The following FBXL2 variants were observed in gnomAD, a reference collection of about 807,000 sequenced individuals.
FBXL2 encodes F-box/LRR-repeat protein 2.
In FBXL2, 38 loss-of-function variants were observed where a neutral mutation model predicts 69.2. That is an observed-to-expected ratio of 0.55 (90% CI 0.42 to 0.72). FBXL2 has a LOEUF of 0.72. Ranked by LOEUF, FBXL2 falls within the 30% of genes least tolerant of loss-of-function variation. The pLI is 0.00. For missense variants in FBXL2, 354 were observed against 520.3 expected (o/e 0.68, Z 3.11); for synonymous variants, 192 against 201.3 (o/e 0.95, Z 0.39).
chr3:33,400,954 ATACT>A (rs2044204415), intron 12 of FBXL2: 1 of 1,593,670 alleles, frequency 6.3e-7, no homozygotes, highest in South Asian at 1.2e-5. Flanking sequence ...TAGGAGAAAG[ATACT>A]TACTTCACCA....
chr3:33,330,953 G>A (rs2039111045), intron 2 of FBXL2, among the ~76,000 whole-genome samples: 2 of 150,316 alleles, frequency 1.3e-5, no homozygotes, highest in South Asian at 4.2e-4. Context: ...ATCATATAAA[G>A]TATATATTAT....
chr3:33,381,156 A>G (rs1005461101), intron 13 of FBXL2, among the ~76,000 whole-genome samples: 4 of 152,212 alleles, frequency 2.6e-5, no homozygotes, highest in African/African-American at 9.7e-5. Context: ...GAATACTTGA[A>G]TATGCCAGTA....
At position 33,375,410 on chromosome 3, in the gene FBXL2, G is replaced by A. The variant is rs568154207; in HGVS notation, c.780G>A (p.Pro260=). Residue 260 remains proline (P), a synonymous_variant, in exon 10 of 15, where the codon CCG becomes CCA. Coordinates refer to ENST00000484457, the MANE Select transcript of FBXL2 (RefSeq NM_012157.5). ...ASLTALGLNC[P]RLQILEAARC... Reference sequence around the variant, plus strand: ...TTACAGCCCTGGGTTTGAACTGTCCGCGACTGCAGTGAGTACACTGCACTT... The same window carrying A: ...TTACAGCCCTGGGTTTGAACTGTCCACGACTGCAGTGAGTACACTGCACTT... The A allele has an allele frequency of 1.2e-5, 19 of 1,613,892 alleles. No individual in the cohort carries two copies. The highest frequency in any genetic ancestry group is 6.7e-5 in the Admixed American group (4 of 60,006).
In FBXL2 at chr3:33,283,438, G is replaced by T. The variant is rs183551583; in HGVS notation, c.3+5923G>T. 5.3e-3 allele frequency among the ~76,000 whole-genome samples: 813 copies of T among 152,302 alleles called. 6 individuals carry two copies. The highest frequency in any genetic ancestry group is 0.018 in the African/African-American group (760 of 41,570). ...GGATAAGCTTTTTGATGTGCTGCTG[G>T]ATTCAGTTTGCCAGTATTTTATTGA... On this transcript the variant is annotated intron_variant, in intron 1 of 14. Coordinates refer to ENST00000484457, the MANE Select transcript of FBXL2 (RefSeq NM_012157.5).
chr3:33,372,741 G>A (rs1031242379), intron 5 of FBXL2: 3 of 363,156 alleles, frequency 8.3e-6, no homozygotes, highest in African/African-American at 6.2e-5. Context: ...TGATTTTTTT[G>A]TAGAGCGGAG....
chr3:33,396,209 T>C (rs1206654686), intron 12 of FBXL2: 3 of 1,596,028 alleles, frequency 1.9e-6, no homozygotes, highest in African/African-American at 2.7e-5. Flanking sequence ...TGCAGCTTGC[T>C]GCTGCCCTTG....
chr3:33,298,375 G>T (rs1485792788), intron 2 of FBXL2, among the ~76,000 whole-genome samples: 1 of 152,136 alleles, frequency 6.6e-6, no homozygotes, highest in African/African-American at 2.4e-5. Flanking sequence ...ATCATCAAAA[G>T]AAATCTTATT....
intron 12 of FBXL2, chr3:33,402,684 C>T: frequency 1.5e-6 from 1 of 677,230 alleles, no homozygotes; most frequent in Non-Finnish European, 2.3e-6. Flanking sequence ...GATACTTCCC[C>T]TTACTGTTTC....
chr3:33,385,469 TA>T (rs1244379289), intron 14 of FBXL2, 31 bp from the exon 15 acceptor site: 1 of 1,557,632 alleles, frequency 6.4e-7, no homozygotes, highest in Admixed American at 1.7e-5. Flanking sequence ...TAGTAATGTG[TA>T]AAGACTCCAC....
the FBXL2 span, chr3:33,412,596 A>G: frequency 1.5e-6 from 1 of 659,458 alleles, no homozygotes; most frequent in Non-Finnish European, 2.6e-6. Flanking sequence ...AAAAAAAAAA[A>G]AGACACAAAA....
intron 1 of FBXL2, among the ~76,000 whole-genome samples, chr3:33,288,516 T>C (rs2125691379): frequency 6.6e-6 from 1 of 152,200 alleles, no homozygotes; most frequent in East Asian, 1.9e-4. Context: ...TTGCTTTTAA[T>C]GTAGAATAGA....
intron 2 of FBXL2, among the ~76,000 whole-genome samples, chr3:33,342,467 A>C (rs1050337690): frequency 6.6e-6 from 1 of 151,500 alleles, no homozygotes; most frequent in African/African-American, 2.4e-5. Flanking sequence ...TTTTTAACCA[A>C]AATTCCTCAA....
chr3:33,372,863 C>G, intron 5 of FBXL2: 1 of 598,162 alleles, frequency 1.7e-6, no homozygotes, highest in Non-Finnish European at 3.0e-6. Context: ...AAAACGTGGT[C>G]CCTAGACTAG....
chr3:33,373,881 A>T lies in FBXL2; in HGVS notation c.617A>T (p.Tyr206Phe). 6.2e-7 allele frequency: 1 copy of T among 1,614,248 alleles called. No individual in the cohort carries two copies. The highest frequency in any genetic ancestry group is 1.3e-5 in the African/African-American group (1 of 75,066). The change falls in exon 9 of 15, where the codon TAC becomes TTC. Residue 206 changes from tyrosine to phenylalanine, a missense_variant. Coordinates refer to ENST00000484457, the MANE Select transcript of FBXL2 (RefSeq NM_012157.5). ...GAAGCTCTGAAACACATTCAGAATT[A>T]CTGCCATGAGCTTGTGAGCCTCAAC... is the stretch of plus-strand genomic sequence containing the variant. ...EDEALKHIQN[Y>F]CHELVSLNLQ... is the part of the protein sequence containing the mutation.
At chr3:33,339,658 T>C (rs575116141) in intron 2 of FBXL2, among the ~76,000 whole-genome samples, 1 of 152,078 alleles carries the variant, frequency 6.6e-6, no homozygotes, top group East Asian at 1.9e-4. Context: ...GACACACAAT[T>C]TACCCATGTA....
intron 2 of FBXL2, among the ~76,000 whole-genome samples, chr3:33,307,141 A>T (rs538531748): frequency 6.6e-6 from 1 of 152,322 alleles, no homozygotes; most frequent in African/African-American, 2.4e-5. Flanking sequence ...ATAATAGGGC[A>T]GTCTGGCAGA....
At chr3:33,309,722 A>G (rs1379467363) in intron 2 of FBXL2, among the ~76,000 whole-genome samples, 1 of 152,080 alleles carries the variant, frequency 6.6e-6, no homozygotes, top group Non-Finnish European at 1.5e-5. Flanking sequence ...CTTTGTGATT[A>G]TATGATTTTT....
chr3:33,384,753 A>G (rs1193198065), intron 14 of FBXL2, among the ~76,000 whole-genome samples: 4 of 151,476 alleles, frequency 2.6e-5, no homozygotes, highest in African/African-American at 4.8e-5. Context: ...AAGAAAGCCT[A>G]TGTTGGGATG....
chr3:33,323,847 A>G (rs1311042323), intron 2 of FBXL2, among the ~76,000 whole-genome samples: 1 of 152,058 alleles, frequency 6.6e-6, no homozygotes, highest in African/African-American at 2.4e-5. Flanking sequence ...GGGTCAAATG[A>G]TATTTCTGGT....
Sources: gnomAD v4.1 joint callset for allele counts (sites outside exome capture counted in the v4.1 genomes callset) on GRCh38, gnomAD v4.1.1 for gene constraint, MANE v1.5 for transcripts, NCBI Gene and HGNC (gene_info 2026-07-23, HGNC 2026-07-21) for gene names.